The following RGL1 variants were observed in gnomAD, a reference collection of about 807,000 sequenced individuals.
RGL1 encodes the protein ral guanine nucleotide dissociation stimulator-like 1.
RGL1 carries 24 observed loss-of-function variants against 95.2 expected under a neutral mutation model. The ratio of observed to expected loss-of-function variants is 0.25; its 90% CI spans 0.18 to 0.35. RGL1 has a LOEUF of 0.35. RGL1 is among the 10% of genes least tolerant of loss of function. The probability of loss-of-function intolerance (pLI) is 1.00; values close to 1 mark genes in which losing one functional copy is unlikely to be tolerated. For missense variants in RGL1, 715 were observed against 936.3 expected (o/e 0.76, Z 3.08); for synonymous variants, 329 against 344.9 (o/e 0.95, Z 0.51).
At chr1:183,798,744 T>C (rs1660822977) in intron 2 of RGL1, among the ~76,000 whole-genome samples, 1 of 151,952 alleles carries the variant, frequency 6.6e-6, no homozygotes, top group East Asian at 1.9e-4. Flanking sequence ...ATCACCATGC[T>C]ACTCTGCTTC....
At chr1:183,844,169 T>C (rs1397658535) in intron 2 of RGL1, among the ~76,000 whole-genome samples, 1 of 152,214 alleles carries the variant, frequency 6.6e-6, no homozygotes, top group Non-Finnish European at 1.5e-5. Context: ...TCATGCAGGC[T>C]GACAATTATT....
chr1:183,901,681 C>T (rs1291015804), intron 11 of RGL1, among the ~76,000 whole-genome samples: 2 of 151,644 alleles, frequency 1.3e-5, no homozygotes, highest in Non-Finnish European at 2.9e-5. Flanking sequence ...GTCCCCTTGT[C>T]CCTCTTTCTC....
chr1:183,763,437 A>C (rs1658810305), intron 2 of RGL1, among the ~76,000 whole-genome samples: 1 of 152,212 alleles, frequency 6.6e-6, no homozygotes, highest in South Asian at 2.1e-4. Context: ...GAAGCACAAG[A>C]AAACAAGCTG....
chr1:183,786,827 TTAGGTCATA>T (rs1660202397), intron 2 of RGL1, among the ~76,000 whole-genome samples: 1 of 152,222 alleles, frequency 6.6e-6, no homozygotes, highest in Non-Finnish European at 1.5e-5. Flanking sequence ...TTTCAGTTTT[TTAGGTCATA>T]AAATGGAGAC....
At chr1:183,814,536 A>AATCC in intron 2 of RGL1, among the ~76,000 whole-genome samples, 1 of 152,152 alleles carries the variant, frequency 6.6e-6, no homozygotes, top group South Asian at 2.1e-4. Context: ...ATCTAATCCT[A>AATCC]TGTAAACTCC....
chr1:183,672,381 C>A (rs771414499), intron 1 of RGL1, among the ~76,000 whole-genome samples: 2 of 152,120 alleles, frequency 1.3e-5, no homozygotes, highest in Non-Finnish European at 2.9e-5. Context: ...AGAAATGTTT[C>A]TCTGTTCTCA....
At position 183,883,776 on chromosome 1, in the gene RGL1, A is replaced by G. The variant is rs1292821411; in HGVS notation, c.611-10A>G. On this transcript the variant is annotated splice_polypyrimidine_tract_variant and intron_variant, in intron 5 of 17. Coordinates refer to ENST00000360851, the MANE Select transcript of RGL1 (RefSeq NM_001297671.3). ...GCGCCAAATTACTAATCTTTTCCAT[A>G]TGTGAACAGATGGGCTTCCCAACAC... is the stretch of plus-strand genomic sequence containing the variant. The G allele has an allele frequency of 6.2e-7, 1 of 1,613,586 alleles. No homozygotes were observed. The highest frequency in any genetic ancestry group is 1.3e-5 in the African/African-American group (1 of 74,914).
chr1:183,674,024 C>G (rs965321270), intron 1 of RGL1, among the ~76,000 whole-genome samples: 4 of 152,136 alleles, frequency 2.6e-5, no homozygotes, highest in African/African-American at 9.7e-5. Context: ...TCTTGTGTTT[C>G]CAAGTCTTTG....
intron 1 of RGL1, chr1:183,648,887 T>C: frequency 1.1e-6 from 1 of 894,636 alleles, no homozygotes; most frequent in South Asian, 1.7e-5. Flanking sequence ...TATTAAACCA[T>C]ACTTTCTTTA....
chr1:183,877,572 G>A (rs1420783213), intron 4 of RGL1, among the ~76,000 whole-genome samples: 2 of 152,290 alleles, frequency 1.3e-5, no homozygotes, highest in South Asian at 2.1e-4. Context: ...ACGCTCTGCC[G>A]ATGAGGAGGG....
At chr1:183,756,192 A>ATTTTTTTTTTTTTT (rs34988129) in intron 2 of RGL1, among the ~76,000 whole-genome samples, 1 of 140,346 alleles carries the variant, frequency 7.1e-6, no homozygotes. Flanking sequence ...GCCTGAGTTC[A>ATTTTTTTTTTTTTT]TTTTTTTTTT....
At chr1:183,899,902 A>G (rs1667918887) in intron 10 of RGL1, among the ~76,000 whole-genome samples, 1 of 152,204 alleles carries the variant, frequency 6.6e-6, no homozygotes, top group African/African-American at 2.4e-5. Context: ...CACAGTCAAC[A>G]CTTTTGAACA....
chr1:183,877,269 T>A (rs971714432), intron 4 of RGL1, among the ~76,000 whole-genome samples: 6 of 152,362 alleles, frequency 3.9e-5, no homozygotes, highest in Admixed American at 1.3e-4. Flanking sequence ...AGCTGTAAGA[T>A]TCTTTACATC....
intron 2 of RGL1, among the ~76,000 whole-genome samples, chr1:183,777,930 T>G (rs1048683179): frequency 6.6e-6 from 1 of 152,120 alleles, no homozygotes; most frequent in Non-Finnish European, 1.5e-5. Flanking sequence ...CTATTGATAC[T>G]GAGAAAATTA....
intron 1 of RGL1, among the ~76,000 whole-genome samples, chr1:183,708,256 G>A (rs963124565): frequency 2.6e-5 from 4 of 152,006 alleles, no homozygotes; most frequent in African/African-American, 7.3e-5. Context: ...GGGTAGGCTC[G>A]GGAGAACAGG....
intron 1 of RGL1, among the ~76,000 whole-genome samples, chr1:183,643,586 C>T (rs1258458559): frequency 6.6e-6 from 1 of 151,944 alleles, no homozygotes; most frequent in African/African-American, 2.4e-5. Flanking sequence ...CCACCGCGCC[C>T]GGCCCGAGGT....
chr1:183,826,154 T>G (rs1662841392), intron 2 of RGL1, among the ~76,000 whole-genome samples: 1 of 151,778 alleles, frequency 6.6e-6, no homozygotes, highest in Non-Finnish European at 1.5e-5. Context: ...CCCTGGTTCA[T>G]GCCATTCTCC....
intron 4 of RGL1, among the ~76,000 whole-genome samples, chr1:183,870,629 C>G (rs917511929): frequency 3.9e-5 from 6 of 152,070 alleles, no homozygotes; most frequent in African/African-American, 1.2e-4. Flanking sequence ...GCTTTCGGGC[C>G]CGGGGGAGAA....
intron 2 of RGL1, among the ~76,000 whole-genome samples, chr1:183,780,336 G>A (rs1485300252): frequency 2.6e-5 from 4 of 152,236 alleles, no homozygotes; most frequent in Admixed American, 2.6e-4. Flanking sequence ...TGGCCATAAA[G>A]TAGATCAAAG....
Sources: allele counts gnomAD v4.1 joint callset (sites outside exome capture counted in the v4.1 genomes callset), GRCh38; gene constraint gnomAD v4.1.1; transcripts MANE v1.5; gene names NCBI Gene and HGNC (gene_info 2026-07-23, HGNC 2026-07-21).